Variants in LNX1 observed in about 807,000 individuals in gnomAD.
The protein encoded by LNX1 is ligand of numb-protein X 1.
Under a neutral mutation model 68.4 loss-of-function variants are expected in LNX1, and 54 were observed. The observed-to-expected ratio is 0.79, with a 90% CI of 0.63 to 0.99. LNX1 has a LOEUF of 0.99. Ranked by LOEUF, LNX1 falls within the 50% of genes least tolerant of loss-of-function variation. The probability of loss-of-function intolerance (pLI) is 0.00; values close to 1 mark genes in which losing one functional copy is unlikely to be tolerated. For missense variants in LNX1, 906 were observed against 926.4 expected (o/e 0.98, Z 0.29); for synonymous variants, 336 against 350.0 (o/e 0.96, Z 0.45).
At chr4:53,523,860 T>C (rs1393808830) in intron 2 of LNX1, among the ~76,000 whole-genome samples, 2 of 152,212 alleles carry the variant, frequency 1.3e-5, no homozygotes, top group East Asian at 3.8e-4. Context: ...CCCACCATCC[T>C]CCTGCTTCCC....
At chr4:53,558,137 G>A in intron 2 of LNX1, 1 of 1,421,596 alleles carries the variant, frequency 7.0e-7, no homozygotes, top group South Asian at 1.5e-5. Flanking sequence ...GGGCCCGTAA[G>A]AAGATTATGC....
At chr4:53,487,277 G>A (rs1283195863) in intron 6 of LNX1, among the ~76,000 whole-genome samples, 1 of 152,200 alleles carries the variant, frequency 6.6e-6, no homozygotes, top group Admixed American at 6.5e-5. Context: ...AACGTACAGG[G>A]GGAGTAAGAA....
rs1329681644 is a variant in LNX1, at chr4:53,565,053, T to C, written c.380+8570A>G. On this transcript the variant is annotated intron_variant, in intron 2 of 10. Transcript: ENST00000263925. ...AGCAGTCTGAGATCAAACTGCAAGG[T>C]GGCAGCGAGGCTGGGGGAGGGGCGC... 5.9e-5 allele frequency among the ~76,000 whole-genome samples: 9 copies of C among 151,894 alleles called. 1 individual carries two copies. The East Asian group carries it at 7.7e-4, about 13-fold the overall frequency.
At chr4:53,566,325 G>A (rs1262630615) in intron 2 of LNX1, among the ~76,000 whole-genome samples, 1 of 151,708 alleles carries the variant, frequency 6.6e-6, no homozygotes, top group Non-Finnish European at 1.5e-5. Context: ...CAAGCCAGAA[G>A]AGAGTGGGGG....
intron 9 of LNX1, among the ~76,000 whole-genome samples, chr4:53,474,166 G>C (rs369410082): frequency 6.6e-6 from 1 of 152,170 alleles, no homozygotes; most frequent in Non-Finnish European, 1.5e-5. Context: ...ATTGGCAGTG[G>C]ATACAACGAT....
At chr4:53,565,630 A>G (rs1281166714) in intron 2 of LNX1, among the ~76,000 whole-genome samples, 1 of 152,288 alleles carries the variant, frequency 6.6e-6, no homozygotes, top group African/African-American at 2.4e-5. Flanking sequence ...CACCAGCAAC[A>G]GAACAAAGCT....
At chr4:53,566,279 A>G (rs1282906041) in intron 2 of LNX1, among the ~76,000 whole-genome samples, 1 of 151,452 alleles carries the variant, frequency 6.6e-6, no homozygotes, top group Non-Finnish European at 1.5e-5. Flanking sequence ...AGGGAAGCCC[A>G]TCAGACTAAC....
At position 53,616,788 on chromosome 4, in the gene LNX1, G is replaced by A. The variant is rs536950707; in HGVS notation, c.-283-203C>T. Among the ~76,000 whole-genome samples, 5 of 152,252 alleles carry A rather than the reference G, an allele frequency of 3.3e-5. No homozygotes were observed. The South Asian group carries it at 1.0e-3, about 32-fold the overall frequency. The stretch of plus-strand genomic sequence containing the variant: ...TTTGATTTCCATAAAGGAAATGGAG[G>A]CAACGATGGGTTACTTGATTCTCCC... On this transcript the variant is annotated intron_variant, in intron 1 of 3. Coordinates refer to the LNX1 transcript ENST00000504299.
At chr4:53,554,119 T>C (rs1383244084) in intron 2 of LNX1, among the ~76,000 whole-genome samples, 1 of 152,146 alleles carries the variant, frequency 6.6e-6, no homozygotes, top group African/African-American at 2.4e-5. Context: ...AGGGAGAGGG[T>C]CCTAAGCAAA....
chr4:53,589,514 C>T (rs1732376245), intron 1 of LNX1, among the ~76,000 whole-genome samples: 1 of 152,210 alleles, frequency 6.6e-6, no homozygotes, highest in Non-Finnish European at 1.5e-5. Context: ...AGAACCTAGC[C>T]TCAGTTTAGC....
intron 1 of LNX1, among the ~76,000 whole-genome samples, chr4:53,634,574 T>A (rs1385831948): frequency 6.6e-6 from 1 of 152,040 alleles, no homozygotes; most frequent in East Asian, 1.9e-4. Flanking sequence ...TCTTCTTGCA[T>A]GAGTACTCCC....
intron 1 of LNX1, among the ~76,000 whole-genome samples, chr4:53,625,020 T>C (rs1370508698): frequency 6.6e-6 from 1 of 152,218 alleles, no homozygotes; most frequent in East Asian, 1.9e-4. Flanking sequence ...AAAAGATTTA[T>C]ATATTTGTGA....
intron 2 of LNX1, among the ~76,000 whole-genome samples, chr4:53,560,974 C>A (rs756691236): frequency 5.3e-5 from 8 of 152,188 alleles, no homozygotes; most frequent in Non-Finnish European, 1.2e-4. Flanking sequence ...AATCTTTGCC[C>A]TATTCTTTGC....
At chr4:53,502,398 C>T in intron 4 of LNX1, among the ~76,000 whole-genome samples, 1 of 152,178 alleles carries the variant, frequency 6.6e-6, no homozygotes, top group East Asian at 1.9e-4. Context: ...GTACTCTAGT[C>T]TATCAAGTGT....
At chr4:53,461,188 T>A in intron 10 of LNX1, 146 bp from the exon 11 acceptor site, 1 of 758,368 alleles carries the variant, frequency 1.3e-6, no homozygotes, top group Non-Finnish European at 2.1e-6. Flanking sequence ...TTGCCTCTTA[T>A]TTACATTCTC....
At chr4:53,541,745 T>A (rs1021036260) in intron 2 of LNX1, among the ~76,000 whole-genome samples, 31 of 9,276 alleles carry the variant, frequency 3.3e-3, no homozygotes, top group African/African-American at 7.4e-3. Flanking sequence ...GTCTGAGTCA[T>A]TAAAAAAAAG....
intron 2 of LNX1, among the ~76,000 whole-genome samples, chr4:53,540,225 A>T (rs948043248): frequency 2.6e-5 from 4 of 152,022 alleles, no homozygotes; most frequent in Admixed American, 2.6e-4. Context: ...CTAAAAAAAA[A>T]TACAAAAATT....
chr4:53,623,669 T>A (rs971730871), intron 1 of LNX1, among the ~76,000 whole-genome samples: 1 of 152,146 alleles, frequency 6.6e-6, no homozygotes, highest in Non-Finnish European at 1.5e-5. Context: ...TGAAGTTATA[T>A]GGCTATGTTT....
Position 53,601,020 on chromosome 4 carries a change from G to A in LNX1, c.-214-9505C>T, listed in dbSNP as rs1179990777. Among the ~76,000 whole-genome samples the A allele has an allele frequency of 2.1e-5, 3 of 144,860 alleles. No individual in the cohort carries two copies. The Admixed American group carries it at 2.1e-4, about 10-fold the overall frequency. On this transcript the variant is annotated intron_variant, in intron 2 of 3. Transcript: ENST00000504299. ...TTGAACCCGGGAGGCCGAGGTTGCA[G>A]TGAGCCAAGATGGCACCACTGCACT...
Sources: allele counts gnomAD v4.1 joint callset (sites outside exome capture counted in the v4.1 genomes callset), GRCh38; gene constraint gnomAD v4.1.1; transcripts MANE v1.5; gene names NCBI Gene and HGNC (gene_info 2026-07-23, HGNC 2026-07-21).